KDM5A: variants seen among roughly 807,000 people sequenced by gnomAD.
KDM5A encodes the protein lysine demethylase 5A, also known as lysine-specific demethylase 5A.
A neutral mutation model predicts 193.5 loss-of-function variants in KDM5A; 42 were observed. That is an observed-to-expected ratio of 0.22 (90% CI 0.17 to 0.28). The LOEUF is 0.28. KDM5A is among the 10% of genes least tolerant of loss of function. The pLI, the probability that KDM5A is intolerant of heterozygous loss-of-function variation, is 1.00. For synonymous variants in KDM5A, 796 were observed against 718.1 expected, an observed-to-expected ratio of 1.11 and a Z score of -1.73; for missense variants, 1,692 against 2,055.1, an observed-to-expected ratio of 0.82 and a Z score of 3.42.
rs567420641 is a variant in KDM5A at position 333,415 on chromosome 12, T to C, written c.1653+72A>G. 1.9e-6 allele frequency: 3 copies of C among 1,562,864 alleles called. No individual in the cohort carries two copies. In the South Asian group the frequency reaches 3.3e-5, roughly 17 times the overall value. ...GCCTGGGCAACAGAGCAAGACCCTGTTTCAAAAAAAAAGAAAAAAGAAAAA... is the reference window on the plus strand; with the variant it reads ...GCCTGGGCAACAGAGCAAGACCCTGCTTCAAAAAAAAAGAAAAAAGAAAAA... On this transcript the variant is annotated intron_variant, in intron 12 of 27. Coordinates refer to ENST00000399788, the MANE Select transcript of KDM5A (RefSeq NM_001042603.3).
intron 4 of KDM5A, among the ~76,000 whole-genome samples, 198 bp downstream of exon 4, chr12:365,732 TTAAA>T (rs1241265352): frequency 6.6e-6 from 1 of 152,230 alleles, no homozygotes; most frequent in East Asian, 1.9e-4. Flanking sequence ...AAGGTTTATT[TTAAA>T]TAAATAAGAA....
rs1943140806 is a variant in KDM5A at position 280,251 on chromosome 12, G to A, written c.*5205C>T. The A allele has an allele frequency of 4.3e-6, 1 of 232,582 alleles. No individual in the cohort carries two copies. Among genetic ancestry groups the A allele is most frequent in the Non-Finnish European group, 8.5e-6 (1 of 117,800 alleles). 14.4% of individuals were successfully genotyped at this position (232,582 alleles called of 1,614,324 possible). A position where few individuals can be genotyped will look rare whatever the true frequency, so the allele number is the denominator to read the frequency against. On this transcript the variant is annotated 3_prime_UTR_variant, in exon 28 of 28. Transcript: ENST00000399788. ...AATGTTTCACCATGTTCCAATTAAT[G>A]GTTGAGCTTTAAATGAAAATATTCT...
Position 284,815 on chromosome 12 carries a change from T to G in KDM5A, c.*641A>C. On this transcript the variant is annotated 3_prime_UTR_variant, in exon 28 of 28. Coordinates refer to ENST00000399788, the MANE Select transcript of KDM5A (RefSeq NM_001042603.3). Reference sequence around the variant, plus strand: ...AGATGATATCCTCATCTTACAAAGATAAGGTGACCTGCCCCAGCTTGTGAG... The same window carrying G: ...AGATGATATCCTCATCTTACAAAGAGAAGGTGACCTGCCCCAGCTTGTGAG... 1 of 233,968 alleles carries G rather than the reference T, an allele frequency of 4.3e-6. No homozygotes were observed. Among genetic ancestry groups the G allele is most frequent in the East Asian group, 6.0e-5 (1 of 16,596 alleles). 14.5% of individuals were successfully genotyped at this position (233,968 alleles called of 1,614,324 possible).
intron 17 of KDM5A, 162 bp downstream of exon 17, chr12:322,255 G>A: frequency 1.5e-6 from 1 of 650,750 alleles, no homozygotes; most frequent in South Asian, 1.8e-5. Flanking sequence ...AAGAAAGAAG[G>A]GAGAATAGTA....
chr12:377,065 G>A (rs1416043590), intron 3 of KDM5A, among the ~76,000 whole-genome samples: 2 of 151,646 alleles, frequency 1.3e-5, no homozygotes, highest in Non-Finnish European at 2.9e-5. Context: ...AGTAGCAGCA[G>A]TACCTCTAAA....
intron 18 of KDM5A, 31 bp from the exon 19 acceptor site, chr12:318,492 AAAACAAATTTAAAACATACAAAAGAG>A: frequency 3.3e-6 from 5 of 1,525,692 alleles, no homozygotes; most frequent in Non-Finnish European, 4.5e-6. Flanking sequence ...AAAAATCAGA[AAAACAAATTTAAAACATACAAAAGAG>A]TATGAAATAG....
intron 7 of KDM5A, among the ~76,000 whole-genome samples, chr12:354,897 A>G (rs184965138): frequency 1.3e-5 from 2 of 152,358 alleles, no homozygotes; most frequent in African/African-American, 4.8e-5. Context: ...TGTCTATAAT[A>G]GAACTCAACG....
At chr12:320,585 T>G (rs1943705646) in intron 18 of KDM5A, among the ~76,000 whole-genome samples, 2 of 152,196 alleles carry the variant, frequency 1.3e-5, no homozygotes, top group African/African-American at 4.8e-5. Flanking sequence ...AAAAGATCAT[T>G]AACTATGGAG....
intron 1 of KDM5A, 39 bp downstream of exon 1, chr12:388,888 T>C: frequency 6.2e-7 from 1 of 1,610,290 alleles, no homozygotes; most frequent in Non-Finnish European, 8.5e-7. Context: ...GACTCCCCCA[T>C]TCTTCCTTCT....
intron 3 of KDM5A, among the ~76,000 whole-genome samples, chr12:381,692 TAAAA>T (rs934934028): frequency 6.6e-6 from 1 of 152,162 alleles, no homozygotes. Context: ...CCTGACTGAT[TAAAA>T]AAAGTCTCAA....
chr12:376,056 G>A (rs1053688261), intron 3 of KDM5A, among the ~76,000 whole-genome samples: 8 of 152,220 alleles, frequency 5.3e-5, no homozygotes, highest in South Asian at 2.1e-4. Flanking sequence ...CAGTCTGCCC[G>A]TTCTCAGATC....
intron 8 of KDM5A, among the ~76,000 whole-genome samples, chr12:353,412 A>C (rs1461588739): frequency 6.6e-6 from 1 of 152,218 alleles, no homozygotes; most frequent in South Asian, 2.1e-4. Context: ...ATAAATCCCA[A>C]GTTCTACAGC....
chr12:318,054 C>T, intron 19 of KDM5A, 52 bp downstream of exon 19: 1 of 1,336,912 alleles, frequency 7.5e-7, no homozygotes, highest in Non-Finnish European at 1.1e-6. Flanking sequence ...TCTTCCCACT[C>T]TACCTTCTGA....
intron 3 of KDM5A, among the ~76,000 whole-genome samples, chr12:379,174 T>TAA (rs144447531): frequency 6.8e-6 from 1 of 147,668 alleles, no homozygotes; most frequent in Non-Finnish European, 1.5e-5. Context: ...AAATCATATA[T>TAA]AAAAAAAAAA....
At chr12:320,223 G>T (rs1943699520) in intron 18 of KDM5A, among the ~76,000 whole-genome samples, 1 of 152,192 alleles carries the variant, frequency 6.6e-6, no homozygotes, top group Non-Finnish European at 1.5e-5. Flanking sequence ...TAGGCCGGGT[G>T]CGGTGGCTCA....
Position 389,112 on chromosome 12 carries a change from G to GCCCCC in KDM5A, c.-22_-21insGGGGG. 1 of 1,600,240 alleles carries GCCCCC rather than the reference G, an allele frequency of 6.2e-7. No homozygotes were observed. The highest frequency in any genetic ancestry group is 1.1e-5 in the South Asian group (1 of 90,440). On this transcript the variant is annotated 5_prime_UTR_variant, in exon 1 of 28. Coordinates refer to ENST00000399788, the MANE Select transcript of KDM5A (RefSeq NM_001042603.3). ...GCCATTGCAACGGCCGGGGGGGGGG[G>GCCCCC]GGGGTCCCCGTGGGGAACCGGTGGA...
chr12:384,252 TCAGCGG>T, intron 2 of KDM5A, 99 bp from the exon 3 acceptor site: 2 of 889,486 alleles, frequency 2.2e-6, no homozygotes, highest in Non-Finnish European at 3.7e-6. Flanking sequence ...CCAGTACCCA[TCAGCGG>T]CCTGTTAGGA....
chr12:352,193 T>C lies in KDM5A; in HGVS notation c.1149+12A>G, dbSNP rs200300476. 13 of 1,596,092 alleles carry C rather than the reference T, an allele frequency of 8.1e-6. No individual in the cohort carries two copies. Among genetic ancestry groups the C allele is most frequent in the East Asian group, 2.3e-5 (1 of 43,780 alleles). ...TACCTCCCCGGACCGACCTAAAAGA[T>C]AGCTTACTCACATGGACTGGCATAT... On this transcript the variant is annotated intron_variant, in intron 9 of 27. Transcript: ENST00000399788.
intron 1 of KDM5A, chr12:387,401 C>A (rs1417270979): frequency 2.0e-5 from 4 of 200,426 alleles, no homozygotes; most frequent in Non-Finnish European, 4.1e-5. Flanking sequence ...AATAGAATTT[C>A]TAATTAATAA....
Sources: allele counts gnomAD v4.1 joint callset (sites outside exome capture counted in the v4.1 genomes callset), GRCh38; gene constraint gnomAD v4.1.1; transcripts MANE v1.5; gene names NCBI Gene and HGNC (gene_info 2026-07-23, HGNC 2026-07-21).